The following HECTD2 variants were observed in gnomAD, a reference collection of about 807,000 sequenced individuals.
The protein encoded by HECTD2 is HECT domain E3 ubiquitin protein ligase 2, also known as probable E3 ubiquitin-protein ligase HECTD2.
A neutral mutation model predicts 103.2 loss-of-function variants in HECTD2; 35 were observed. The ratio of observed to expected loss-of-function variants is 0.34; its 90% CI spans 0.26 to 0.45. The LOEUF is 0.45. Ranked by LOEUF, HECTD2 falls within the 20% of genes least tolerant of loss-of-function variation. HECTD2 has a pLI of 1.00. For missense variants in HECTD2, 596 were observed against 937.4 expected (o/e 0.64, Z 4.76); for synonymous variants, 281 against 329.9 (o/e 0.85, Z 1.61).
At chr10:91,423,286 A>G (rs1843426495) in intron 1 of HECTD2, among the ~76,000 whole-genome samples, 1 of 152,286 alleles carries the variant, frequency 6.6e-6, no homozygotes, top group African/African-American at 2.4e-5. Context: ...GAACATGGGC[A>G]TGGAAATTCA....
chr10:91,450,396 A>C (rs568489020), intron 2 of HECTD2, among the ~76,000 whole-genome samples: 2 of 152,158 alleles, frequency 1.3e-5, no homozygotes, highest in Non-Finnish European at 2.9e-5. Context: ...AAAAACTTAA[A>C]TGTAAAACCT....
chr10:91,487,486 A>G lies in HECTD2; in HGVS notation c.1095-196A>G. 1 of 611,308 alleles carries G rather than the reference A, an allele frequency of 1.6e-6. No individual in the cohort carries two copies. The highest frequency in any genetic ancestry group is 3.0e-6 in the Non-Finnish European group (1 of 332,842). 37.9% of individuals were successfully genotyped at this position (611,308 alleles called of 1,614,324 possible). A position where few individuals can be genotyped will look rare whatever the true frequency, so the allele number is the denominator to read the frequency against. On this transcript the variant is annotated intron_variant, in intron 10 of 20. Coordinates refer to ENST00000298068, the MANE Select transcript of HECTD2 (RefSeq NM_182765.6). The surrounding 1 kb of genome is among the most constrained non-coding windows in gnomAD (Gnocchi z 4.1). ...CTTCTGCAGAGAATAAAGGCATTGC[A>G]CATCTAGTAATGATACATTCTTCAC...
intron 1 of HECTD2, among the ~76,000 whole-genome samples, chr10:91,411,546 T>C (rs1423732360): frequency 6.6e-6 from 1 of 152,236 alleles, no homozygotes; most frequent in African/African-American, 2.4e-5. Context: ...ACCTCCCTCT[T>C]AAATGACTAA....
chr10:91,451,689 A>C (rs745431787), intron 2 of HECTD2, among the ~76,000 whole-genome samples: 22 of 152,112 alleles, frequency 1.4e-4, no homozygotes, highest in South Asian at 8.3e-4. Flanking sequence ...TGTTTATACT[A>C]TCTTCTAATA....
chr10:91,427,319 A>G (rs1017087506), intron 2 of HECTD2, among the ~76,000 whole-genome samples: 1 of 151,968 alleles, frequency 6.6e-6, no homozygotes, highest in Non-Finnish European at 1.5e-5. Flanking sequence ...ATACGTGTGC[A>G]TGTGTCTTTA....
intron 2 of HECTD2, among the ~76,000 whole-genome samples, chr10:91,456,084 A>C (rs1053669374): frequency 3.9e-5 from 6 of 152,096 alleles, no homozygotes; most frequent in Non-Finnish European, 8.8e-5. Flanking sequence ...ATGAACTTTA[A>C]AGTAGTTTTT....
intron 6 of HECTD2, among the ~76,000 whole-genome samples, chr10:91,479,317 T>C (rs546903740): frequency 6.6e-6 from 1 of 152,334 alleles, no homozygotes; most frequent in South Asian, 2.1e-4. Flanking sequence ...AATGTATGTC[T>C]TTTTAGTTTC....
At chr10:91,473,081 G>A (rs1396431718) in intron 5 of HECTD2, among the ~76,000 whole-genome samples, 1 of 152,148 alleles carries the variant, frequency 6.6e-6, no homozygotes, top group Non-Finnish European at 1.5e-5. Flanking sequence ...ATACCTGGGA[G>A]TTTCCCATAA....
chr10:91,503,445 C>T (rs1419131936), intron 20 of HECTD2, among the ~76,000 whole-genome samples: 12 of 152,288 alleles, frequency 7.9e-5, no homozygotes, highest in East Asian at 5.8e-4. Flanking sequence ...CGAAGCAGGG[C>T]GAGGCATTGC....
Position 91,487,852 on chromosome 10 carries a change from G to A in HECTD2, c.1191+74G>A. 3.4e-6 allele frequency: 3 copies of A among 893,214 alleles called. No individual in the cohort carries two copies. Among genetic ancestry groups the A allele is most frequent in the Non-Finnish European group, 3.4e-6 (2 of 595,162 alleles). The allele number at this position is 893,214 out of a possible 1,614,324, so 55.3% of individuals were successfully genotyped here. On this transcript the variant is annotated intron_variant, in intron 11 of 20. Transcript: ENST00000298068. This position sits in a 1 kb window ranked among gnomAD's most constrained non-coding sequence, Gnocchi z 4.1. ...AAATAATTTAATAAATAATTTAAAT[G>A]TCTTGTGAATTGTTCTAGCATAATC...
rs201491069 is a variant in HECTD2 at position 91,425,268 on chromosome 10, T to C, written c.139-13T>C. ...TAGGAAGTATACTGCAATGTTAACT[T>C]TTCTGTTTTCAGGGTTTGGACAGAG... On this transcript the variant is annotated splice_polypyrimidine_tract_variant and intron_variant, in intron 1 of 20. Transcript: ENST00000298068. The C allele has an allele frequency of 1.1e-4, 156 of 1,464,304 alleles. No homozygotes were observed. The highest frequency in any genetic ancestry group is 1.3e-4 in the Non-Finnish European group (148 of 1,098,784). 90.7% of individuals were successfully genotyped at this position (1,464,304 alleles called of 1,614,324 possible).
At chr10:91,413,834 G>A (rs901222716) in intron 1 of HECTD2, among the ~76,000 whole-genome samples, 1 of 152,196 alleles carries the variant, frequency 6.6e-6, no homozygotes, top group Non-Finnish European at 1.5e-5. Context: ...TCAAGATGGA[G>A]CCCTCAGAGA....
At chr10:91,481,194 T>C in intron 7 of HECTD2, 55 bp downstream of exon 7, 2 of 809,256 alleles carry the variant, frequency 2.5e-6, no homozygotes, top group Middle Eastern at 2.3e-4. Context: ...AATCCCTACA[T>C]GTGTATGTGA....
intron 2 of HECTD2, among the ~76,000 whole-genome samples, chr10:91,437,619 C>CTTTTTTTTTTTTTTTTTTTTGTTGTT (rs59785873): frequency 1.1e-5 from 1 of 87,426 alleles, no homozygotes; most frequent in Non-Finnish European, 2.7e-5. Flanking sequence ...GATGGTTGTT[C>CTTTTTTTTTTTTTTTTTTTTGTTGTT]TTTTTTTTTT....
intron 1 of HECTD2, among the ~76,000 whole-genome samples, chr10:91,421,207 G>A (rs1242013834): frequency 6.6e-6 from 1 of 151,828 alleles, no homozygotes; most frequent in Admixed American, 6.6e-5. Flanking sequence ...GCCCATTTCC[G>A]TTAGGCACAT....
intron 20 of HECTD2, among the ~76,000 whole-genome samples, chr10:91,507,445 G>A (rs1209879730): frequency 2.0e-5 from 3 of 151,898 alleles, no homozygotes; most frequent in Non-Finnish European, 4.4e-5. Flanking sequence ...TACAAAATCA[G>A]TGTGCAAAAA....
At chr10:91,425,670 T>C (rs972540903) in intron 2 of HECTD2, among the ~76,000 whole-genome samples, 8 of 150,548 alleles carry the variant, frequency 5.3e-5, no homozygotes, top group Admixed American at 4.6e-4. Flanking sequence ...AATATACATA[T>C]ATATTTTCTA....
At chr10:91,482,595 A>AT (rs1211006747) in intron 7 of HECTD2, among the ~76,000 whole-genome samples, 2 of 151,948 alleles carry the variant, frequency 1.3e-5, no homozygotes, top group Non-Finnish European at 2.9e-5. Context: ...GGCACTTTTT[A>AT]TGAAGGTGCT....
Position 91,468,768 on chromosome 10 carries a change from A to C in HECTD2, c.600+6584A>C, listed in dbSNP as rs573734613. Among the ~76,000 whole-genome samples, 24 of 151,810 alleles carry C rather than the reference A, an allele frequency of 1.6e-4. No homozygotes were observed. The South Asian group carries it at 1.9e-3, about 12-fold the overall frequency. Reference sequence around the variant, plus strand: ...TTCACAAATTTTACCCCATCTCTACAAAAAAAAATTTTTTTAAGTTAGCTG... The same window carrying C: ...TTCACAAATTTTACCCCATCTCTACCAAAAAAAATTTTTTTAAGTTAGCTG... On this transcript the variant is annotated intron_variant, in intron 5 of 20. Coordinates refer to ENST00000298068, the MANE Select transcript of HECTD2 (RefSeq NM_182765.6).
Sources: allele counts gnomAD v4.1 joint callset (sites outside exome capture counted in the v4.1 genomes callset), GRCh38; gene constraint gnomAD v4.1.1; non-coding constraint Gnocchi (gnomAD v3.1); transcripts MANE v1.5; gene names NCBI Gene and HGNC (gene_info 2026-07-23, HGNC 2026-07-21).